The following NAV1 variants were observed in gnomAD, a reference collection of about 807,000 sequenced individuals.
NAV1 encodes pore membrane and/or filament interacting like protein 3.
In NAV1, 18 loss-of-function variants were observed where a neutral mutation model predicts 175.2. The observed-to-expected ratio is 0.10, with a 90% CI of 0.07 to 0.15. The LOEUF is 0.15. Ranked by LOEUF, NAV1 falls within the 10% of genes least tolerant of loss-of-function variation. NAV1 has a pLI of 1.00. For missense variants in NAV1, 1,731 were observed against 2,436.6 expected, an observed-to-expected ratio of 0.71 and a Z score of 6.10; for synonymous variants, 897 against 978.7, an observed-to-expected ratio of 0.92 and a Z score of 1.56.
intron 1 of NAV1, among the ~76,000 whole-genome samples, chr1:201,657,823 G>A (rs993123188): frequency 3.3e-5 from 5 of 152,198 alleles, no homozygotes; most frequent in Non-Finnish European, 7.3e-5. Flanking sequence ...CTTGAGCTCA[G>A]GAGTTTGAGA....
chr1:201,658,347 G>A (rs2102349825), intron 1 of NAV1, among the ~76,000 whole-genome samples: 1 of 152,208 alleles, frequency 6.6e-6, no homozygotes, highest in South Asian at 2.1e-4. Context: ...TGAGGGCTCG[G>A]CCAGCTGGAA....
intron 3 of NAV1, among the ~76,000 whole-genome samples, chr1:201,728,802 C>A (rs1232441096): frequency 2.0e-5 from 3 of 152,106 alleles, no homozygotes; most frequent in African/African-American, 7.2e-5. Context: ...ACCCCTCAGT[C>A]TGTGCAGCAT....
At chr1:201,696,212 AGGGT>A (rs1671183916) in intron 1 of NAV1, among the ~76,000 whole-genome samples, 1 of 151,352 alleles carries the variant, frequency 6.6e-6, no homozygotes, top group Non-Finnish European at 1.5e-5. Flanking sequence ...GGAGCAGGAG[AGGGT>A]GGGAGCGGGA....
intron 1 of NAV1, among the ~76,000 whole-genome samples, chr1:201,552,565 C>T (rs1383472170): frequency 6.6e-6 from 1 of 152,096 alleles, no homozygotes; most frequent in African/African-American, 2.4e-5. Flanking sequence ...CCTACAACCT[C>T]CCTGAGCCTC....
At position 201,583,027 on chromosome 1, in the gene NAV1, C is replaced by T. The variant is rs189740515; in HGVS notation, c.-143-5512C>T. Among the ~76,000 whole-genome samples, 5 of 152,378 alleles carry T rather than the reference C, an allele frequency of 3.3e-5. No individual in the cohort carries two copies. The East Asian group carries it at 9.6e-4, about 29-fold the overall frequency. On this transcript the variant is annotated intron_variant, in intron 1 of 33. Coordinates refer to the NAV1 transcript ENST00000685211. ...TGTGTATACGGGATCCCTCAGCATC[C>T]GCTGCCATAGCCCTGAGGGCTGGAC... is the stretch of plus-strand genomic sequence containing the variant.
In NAV1 at chr1:201,785,299, T is replaced by C; in HGVS notation, c.2805-11T>C. The C allele has an allele frequency of 1.3e-6, 2 of 1,534,018 alleles. No homozygotes were observed. The highest frequency in any genetic ancestry group is 1.9e-5 in the Admixed American group (1 of 51,878). ...CTCTCTCTCTTTTTTTTTTTTTTTTTATCTCCACAGTAATCAGCGGGATCG... is the reference window on the plus strand; with the variant it reads ...CTCTCTCTCTTTTTTTTTTTTTTTTCATCTCCACAGTAATCAGCGGGATCG... On this transcript the variant is annotated splice_polypyrimidine_tract_variant and intron_variant, in intron 7 of 29. Coordinates refer to ENST00000367296, the Ensembl canonical transcript of NAV1.
intron 1 of NAV1, among the ~76,000 whole-genome samples, chr1:201,706,880 G>C (rs955344040): frequency 6.6e-6 from 1 of 152,200 alleles, no homozygotes; most frequent in Non-Finnish European, 1.5e-5. Flanking sequence ...CCGGGTGATG[G>C]ATTCCCATGA....
intron 2 of NAV1, among the ~76,000 whole-genome samples, chr1:201,602,996 A>G (rs1667568533): frequency 6.6e-6 from 1 of 152,278 alleles, no homozygotes; most frequent in African/African-American, 2.4e-5. Context: ...CTCGGGAAGG[A>G]GTGTAGACAG....
chr1:201,800,261 A>C (rs1677765483), intron 15 of NAV1, among the ~76,000 whole-genome samples: 1 of 152,258 alleles, frequency 6.6e-6, no homozygotes, highest in South Asian at 2.1e-4. Flanking sequence ...TGGGCCTCCC[A>C]GAGTGCTGGA....
At chr1:201,789,607 C>T in intron 10 of NAV1, 133 bp from the exon 15 acceptor site, 1 of 802,788 alleles carries the variant, frequency 1.2e-6, no homozygotes, top group Non-Finnish European at 2.2e-6. Context: ...AGCTGGGTTC[C>T]CTACTCTGTT....
chr1:201,804,535 C>T, intron 17 of NAV1, 38 bp downstream of exon 21: 1 of 1,513,196 alleles, frequency 6.6e-7, no homozygotes, highest in Non-Finnish European at 8.9e-7. Context: ...TTTTCTCTTT[C>T]CCTTTGCCAT....
In NAV1 at chr1:201,750,642, G is replaced by A. The variant is rs749494866; in HGVS notation, c.1227-29779G>A. Among the ~76,000 whole-genome samples the A allele has an allele frequency of 1.3e-5, 2 of 152,058 alleles. No homozygotes were observed. The highest frequency in any genetic ancestry group is 2.4e-5 in the African/African-American group (1 of 41,412). On this transcript the variant is annotated intron_variant, in intron 3 of 29. Coordinates refer to ENST00000367296, the Ensembl canonical transcript of NAV1. This position sits in a 1 kb window ranked among gnomAD's most constrained non-coding sequence, Gnocchi z 4.1. ...ATTTTTAGTGCTCAAGTCATAGCTT[G>A]TATTTACTCATTTTCAACTCTTTGG... is the stretch of plus-strand genomic sequence containing the variant.
rs958581477 is a variant in NAV1, at chr1:201,648,344, T to A, written c.-325T>A. 6.8e-6 allele frequency: 8 copies of A among 1,170,454 alleles called. No individual in the cohort carries two copies. In the African/African-American group the frequency reaches 1.3e-4, roughly 19 times the overall value. 72.5% of individuals were successfully genotyped at this position (1,170,454 alleles called of 1,614,324 possible). Reference sequence around the variant, plus strand: ...GGAGGAGCCGCGGGGCTTCCATCCTTCCTTTGACTGATTTTTAAATTTTAA... The same window carrying A: ...GGAGGAGCCGCGGGGCTTCCATCCTACCTTTGACTGATTTTTAAATTTTAA... On this transcript the variant is annotated 5_prime_UTR_variant, in exon 1 of 30. Transcript: ENST00000367296.
chr1:201,551,430 T>C (rs952650542), intron 1 of NAV1, among the ~76,000 whole-genome samples: 1 of 152,160 alleles, frequency 6.6e-6, no homozygotes, highest in Non-Finnish European at 1.5e-5. Context: ...GGTCTTGCTA[T>C]GTTGCCCAGG....
At chr1:201,717,335 C>G (rs975804903) in intron 2 of NAV1, among the ~76,000 whole-genome samples, 1 of 152,216 alleles carries the variant, frequency 6.6e-6, no homozygotes, top group Non-Finnish European at 1.5e-5. Context: ...GTTTCGCTTA[C>G]TTAGTCCTGT....
At chr1:201,675,057 T>C (rs1336514161) in intron 1 of NAV1, among the ~76,000 whole-genome samples, 2 of 147,712 alleles carry the variant, frequency 1.4e-5, no homozygotes, top group Non-Finnish European at 1.5e-5. Context: ...AAGAACTCAC[T>C]ATGGCAAGGA....
intron 1 of NAV1, among the ~76,000 whole-genome samples, chr1:201,554,365 C>G (rs1665951619): frequency 6.6e-6 from 1 of 152,304 alleles, no homozygotes; most frequent in African/African-American, 2.4e-5. Flanking sequence ...CACGTCTGTT[C>G]TGTTCACCGA....
intron 2 of NAV1, among the ~76,000 whole-genome samples, chr1:201,643,048 A>G (rs1668850606): frequency 1.3e-5 from 2 of 151,828 alleles, no homozygotes; most frequent in African/African-American, 4.8e-5. Flanking sequence ...TGCTGGGATT[A>G]CAGGTGTGAG....
chr1:201,696,149 C>T (rs1288842781), intron 1 of NAV1, among the ~76,000 whole-genome samples: 5 of 151,984 alleles, frequency 3.3e-5, no homozygotes, highest in African/African-American at 7.2e-5. Flanking sequence ...TGGGAGCCTC[C>T]AGTCCCACAC....
Sources: gnomAD v4.1 joint callset for allele counts (sites outside exome capture counted in the v4.1 genomes callset) on GRCh38, gnomAD v4.1.1 for gene constraint, Gnocchi (gnomAD v3.1) non-coding constraint, MANE v1.5 for transcripts, NCBI Gene and HGNC (gene_info 2026-07-23, HGNC 2026-07-21) for gene names.